STX12: variants seen among roughly 807,000 people sequenced by gnomAD.
STX12 encodes the protein syntaxin 12.
Under a neutral mutation model 42.2 loss-of-function variants are expected in STX12, and 17 were observed. That is an observed-to-expected ratio of 0.40 (90% confidence interval 0.28 to 0.60). STX12 has a LOEUF of 0.60. Ranked by LOEUF, STX12 falls within the 20% of genes least tolerant of loss-of-function variation. STX12 has a pLI of 0.39. For missense variants in STX12, 297 were observed against 330.9 expected (o/e 0.90, Z 0.79); for synonymous variants, 108 against 116.7 (o/e 0.93, Z 0.48).
intron 2 of STX12, among the ~76,000 whole-genome samples, chr1:27,792,758 A>G (rs1439929492): frequency 1.3e-5 from 2 of 152,222 alleles, no homozygotes; most frequent in African/African-American, 4.8e-5. Flanking sequence ...TAACATTCAG[A>G]TCATAGCATG....
intron 4 of STX12, among the ~76,000 whole-genome samples, chr1:27,802,707 A>G (rs2088835304): frequency 6.6e-6 from 1 of 152,208 alleles, no homozygotes; most frequent in African/African-American, 2.4e-5. Flanking sequence ...ATACTCTCAA[A>G]TAATTTTTCT....
chr1:27,810,986 C>G (rs764348213), intron 5 of STX12, among the ~76,000 whole-genome samples: 1 of 151,764 alleles, frequency 6.6e-6, no homozygotes, highest in Non-Finnish European at 1.5e-5. Flanking sequence ...TGTTTTATAT[C>G]TAGTATAATA....
At chr1:27,788,966 G>A (rs369546430) in intron 1 of STX12, among the ~76,000 whole-genome samples, 22 of 151,986 alleles carry the variant, frequency 1.4e-4, no homozygotes, top group East Asian at 1.2e-3. Context: ...AGCTGAGATC[G>A]TGCCACTGCA....
At chr1:27,822,092 G>A in intron 8 of STX12, 139 bp from the exon 9 acceptor site, 1 of 611,082 alleles carries the variant, frequency 1.6e-6, no homozygotes, top group Non-Finnish European at 2.9e-6. Context: ...AGATTTCTGG[G>A]AAAGTCTGTG....
At chr1:27,800,488 GGTGTGTGTGT>G (rs57488710) in intron 3 of STX12, among the ~76,000 whole-genome samples, 1,916 of 140,970 alleles carry the variant, frequency 0.014, 29 homozygotes, top group African/African-American at 0.039. Flanking sequence ...GTCAGTATGT[GGTGTGTGTGT>G]GTGTGTGTGT....
intron 8 of STX12, among the ~76,000 whole-genome samples, chr1:27,820,773 CCAAATGTCCAACA>C (rs1339819506): frequency 5.3e-4 from 81 of 151,992 alleles, no homozygotes; most frequent in African/African-American, 1.8e-3. Flanking sequence ...TGGAACCAAC[CCAAATGTCCAACA>C]GTGATAGACT....
chr1:27,811,856 C>T, intron 5 of STX12: 1 of 419,630 alleles, frequency 2.4e-6, no homozygotes. Flanking sequence ...TGGCTACTTT[C>T]CTTGTCTGGC....
In STX12 at chr1:27,808,686, A is replaced by AT. The variant is rs1192461868; in HGVS notation, c.427-1554dup. On this transcript the variant is annotated intron_variant, in intron 4 of 8. Coordinates refer to ENST00000373943, the MANE Select transcript of STX12 (RefSeq NM_177424.3). ...TAAAAGTAATACATCCATTAGACTG[A>AT]TTTTTTAATAATAATGATATTTATT... is the stretch of plus-strand genomic sequence containing the variant. Among the ~76,000 whole-genome samples, 4 of 152,212 alleles carry AT rather than the reference A, an allele frequency of 2.6e-5. No homozygotes were observed. The East Asian group carries it at 7.7e-4, about 29-fold the overall frequency.
intron 2 of STX12, among the ~76,000 whole-genome samples, chr1:27,791,304 G>T (rs2088739381): frequency 6.6e-6 from 1 of 150,852 alleles, no homozygotes; most frequent in Non-Finnish European, 1.5e-5. Flanking sequence ...ATATGCATAG[G>T]TTCTAGGCAA....
chr1:27,803,496 A>G (rs2088839629), intron 4 of STX12, among the ~76,000 whole-genome samples: 1 of 152,206 alleles, frequency 6.6e-6, no homozygotes, highest in African/African-American at 2.4e-5. Flanking sequence ...AATTAAAGAC[A>G]TTTTCAATCA....
chr1:27,795,318 T>A (rs996271052), intron 3 of STX12, among the ~76,000 whole-genome samples: 1 of 151,724 alleles, frequency 6.6e-6, no homozygotes, highest in Non-Finnish European at 1.5e-5. Context: ...TTTTTTTTTT[T>A]AATTTGAGAC....
chr1:27,805,247 T>C (rs558202751), intron 4 of STX12, among the ~76,000 whole-genome samples: 35 of 152,338 alleles, frequency 2.3e-4, no homozygotes, highest in African/African-American at 8.2e-4. Context: ...TATTAGAAAT[T>C]AAAACTGAGA....
chr1:27,803,812 G>A (rs1206814156), intron 4 of STX12, among the ~76,000 whole-genome samples: 6 of 152,042 alleles, frequency 3.9e-5, no homozygotes, highest in African/African-American at 1.4e-4. Context: ...GACCAGCCTG[G>A]CCAACATGGT....
intron 1 of STX12, among the ~76,000 whole-genome samples, chr1:27,784,110 G>A (rs2088685745): frequency 6.6e-6 from 1 of 152,036 alleles, no homozygotes; most frequent in Admixed American, 6.6e-5. Context: ...AACCTGGGAG[G>A]CAGAGGTTGC....
At chr1:27,803,458 A>G (rs1247171038) in intron 4 of STX12, among the ~76,000 whole-genome samples, 2 of 152,222 alleles carry the variant, frequency 1.3e-5, no homozygotes, top group African/African-American at 4.8e-5. Flanking sequence ...TTCTAAACCC[A>G]GTGAAAATAT....
intron 1 of STX12, among the ~76,000 whole-genome samples, chr1:27,776,535 G>A (rs536686817): frequency 2.0e-5 from 3 of 152,100 alleles, no homozygotes; most frequent in Non-Finnish European, 2.9e-5. Flanking sequence ...ACAACATAGT[G>A]AGACCCCATC....
chr1:27,811,178 G>C (rs2088900787), intron 5 of STX12, among the ~76,000 whole-genome samples: 1 of 151,286 alleles, frequency 6.6e-6, no homozygotes, highest in Non-Finnish European at 1.5e-5. Context: ...AATGAGCTGA[G>C]TGTAGAGGCA....
chr1:27,818,883 C>CA (rs2088962896), intron 7 of STX12, among the ~76,000 whole-genome samples: 1 of 152,154 alleles, frequency 6.6e-6, no homozygotes, highest in African/African-American at 2.4e-5. Context: ...CCGCCTTGGC[C>CA]TCCCAGGTGG....
In STX12 at chr1:27,817,771, C is replaced by T; in HGVS notation, c.577-80C>T. On this transcript the variant is annotated intron_variant, in intron 6 of 8. Coordinates refer to ENST00000373943, the MANE Select transcript of STX12 (RefSeq NM_177424.3). Reference sequence around the variant, plus strand: ...GCCTTAAAAACACACGTGTTAATAGCTAAAACTTTAGGTACGTGAGGGAAA... The same window carrying T: ...GCCTTAAAAACACACGTGTTAATAGTTAAAACTTTAGGTACGTGAGGGAAA... The T allele has an allele frequency of 7.7e-6, 10 of 1,290,942 alleles. No individual in the cohort carries two copies. In the South Asian group the frequency reaches 1.1e-4, roughly 15 times the overall value. The allele number at this position is 1,290,942 out of a possible 1,614,324, so 80.0% of individuals were successfully genotyped here. A position where few individuals can be genotyped will look rare whatever the true frequency, so the allele number is the denominator to read the frequency against.
Sources: allele counts gnomAD v4.1 joint callset (sites outside exome capture counted in the v4.1 genomes callset), GRCh38; gene constraint gnomAD v4.1.1; transcripts MANE v1.5; gene names NCBI Gene and HGNC (gene_info 2026-07-23, HGNC 2026-07-21).